DOCK11: variants seen among roughly 807,000 people sequenced by gnomAD.
DOCK11 encodes dedicator of cytokinesis 11.
A neutral mutation model predicts 169.1 loss-of-function variants in DOCK11; 70 were observed. That is an observed-to-expected ratio of 0.41 (90% CI 0.34 to 0.51). DOCK11 has a LOEUF of 0.51. Among genes scored for constraint, DOCK11 ranks in the 20% least tolerant of loss-of-function variants. The pLI, the probability that DOCK11 is intolerant of heterozygous loss-of-function variation, is 0.10. For missense variants in DOCK11, 1,166 were observed against 1,538.8 expected (o/e 0.76, Z 4.05); for synonymous variants, 529 against 541.3 (o/e 0.98, Z 0.32).
chrX:118,561,549 C>CTTTATCAA, intron 7 of DOCK11, 32 bp downstream of exon 7: 1 of 1,150,711 alleles, frequency 8.7e-7, no homozygotes, highest in South Asian at 2.1e-5. Flanking sequence ...TTCTCTTTTT[C>CTTTATCAA]TAACAGGGTT....
At position 118,626,127 on chromosome X, in the gene DOCK11, A is replaced by G. The variant is rs1483588937; in HGVS notation, c.3589-1377A>G. 2.9e-5 allele frequency among the ~76,000 whole-genome samples: 3 copies of G among 104,806 alleles called. No individual in the cohort carries two copies. In the Admixed American group the frequency reaches 3.1e-4, roughly 11 times the overall value. 91.0% of individuals were successfully genotyped at this position (104,806 alleles called of 115,157 possible). A position where few individuals can be genotyped will look rare whatever the true frequency, so the allele number is the denominator to read the frequency against. Reference sequence around the variant, plus strand: ...GTCACCCAGGCTAAAGTGCAGTGGCATGATCTCAGCTCACTGCAATCTCTG... The same window carrying G: ...GTCACCCAGGCTAAAGTGCAGTGGCGTGATCTCAGCTCACTGCAATCTCTG... On this transcript the variant is annotated intron_variant, in intron 32 of 52. Coordinates refer to ENST00000276202, the MANE Select transcript of DOCK11 (RefSeq NM_144658.4).
chrX:118,607,962 T>C (rs1344734114), intron 24 of DOCK11, 110 bp from the exon 25 acceptor site: 19 of 592,435 alleles, frequency 3.2e-5, no homozygotes, highest in Non-Finnish European at 4.8e-5. Flanking sequence ...TCACTTTTAA[T>C]TATTCAGGCA....
At chrX:118,675,269 A>G (rs2016582231) in intron 46 of DOCK11, among the ~76,000 whole-genome samples, 1 of 112,119 alleles carries the variant, frequency 8.9e-6, no homozygotes, top group Non-Finnish European at 1.9e-5. Flanking sequence ...TTATATTTGC[A>G]TTTTATTTTC....
rs2015170260 is a variant in DOCK11, at chrX:118,628,824, A to G, written c.3774+552A>G. 3.5e-5 allele frequency among the ~76,000 whole-genome samples: 4 copies of G among 112,798 alleles called. No individual in the cohort carries two copies. In the Admixed American group the frequency reaches 3.7e-4, roughly 11 times the overall value. Reference sequence around the variant, plus strand: ...CATTTTAGACGAGTAAAGTTTTGCCATGTTGTTATGTAAAATCATTGAATC... The same window carrying G: ...CATTTTAGACGAGTAAAGTTTTGCCGTGTTGTTATGTAAAATCATTGAATC... On this transcript the variant is annotated intron_variant, in intron 34 of 52. Transcript: ENST00000276202.
intron 45 of DOCK11, among the ~76,000 whole-genome samples, chrX:118,665,702 A>G (rs956836217): frequency 2.7e-5 from 3 of 112,201 alleles, no homozygotes; most frequent in Non-Finnish European, 5.6e-5. Flanking sequence ...TTCAGTTTGC[A>G]TAATAAGGCT....
Position 118,628,234 on chromosome X carries a change from G to A in DOCK11, c.3736G>A (p.Ala1246Thr), listed in dbSNP as rs147119233. ...AAGAGGTTCCCTCATCCCAGAAGGA[G>A]CAACAGGATTTCCAGATCAGGGCAA... The part of the protein sequence containing the change: ...DSRGSLIPEG[A>T]TGFPDQGNTG... The change falls in exon 34 of 53, where the codon GCA (alanine) becomes ACA (threonine). Residue 1246 changes from alanine (A) to threonine (T), a missense_variant. Transcript: ENST00000276202. 574 of 1,204,984 alleles carry A rather than the reference G, an allele frequency of 4.8e-4. 4 individuals are homozygous for A. The highest frequency in any genetic ancestry group is 8.8e-5 in the African/African-American group (5 of 57,122).
intron 1 of DOCK11, among the ~76,000 whole-genome samples, chrX:118,523,079 A>G (rs1236869753): frequency 4.4e-5 from 5 of 112,708 alleles, no homozygotes; most frequent in Non-Finnish European, 7.5e-5. Context: ...TGCATTTCGC[A>G]TAGTACCTGG....
intron 1 of DOCK11, among the ~76,000 whole-genome samples, chrX:118,499,391 C>T (rs1183869868): frequency 9.0e-6 from 1 of 111,224 alleles, no homozygotes; most frequent in East Asian, 2.8e-4. Context: ...GGGGTTGTAG[C>T]CCCTGGACGC....
intron 30 of DOCK11, chrX:118,616,257 T>C (rs2014810433): frequency 1.1e-6 from 1 of 950,561 alleles, no homozygotes; most frequent in Non-Finnish European, 1.4e-6. Flanking sequence ...TTAACTCGGT[T>C]CACTCTAAAT....
At chrX:118,660,613 C>T (rs775342105) in intron 44 of DOCK11, among the ~76,000 whole-genome samples, 7 of 109,213 alleles carry the variant, frequency 6.4e-5, no homozygotes, top group Admixed American at 3.9e-4. Flanking sequence ...TACAGGCACC[C>T]GCCACCACGC....
intron 46 of DOCK11, among the ~76,000 whole-genome samples, chrX:118,674,890 A>T (rs1292085080): frequency 9.0e-6 from 1 of 111,689 alleles, no homozygotes; most frequent in Non-Finnish European, 1.9e-5. Flanking sequence ...GTGAAGTGGC[A>T]CCTCATTGTC....
intron 5 of DOCK11, 25 bp downstream of exon 5, chrX:118,545,417 G>GT: frequency 9.1e-7 from 1 of 1,093,786 alleles, no homozygotes; most frequent in Non-Finnish European, 1.2e-6. Context: ...AACAGTTGGG[G>GT]TAACTGTGCT....
chrX:118,505,269 C>T (rs930415431), intron 1 of DOCK11, among the ~76,000 whole-genome samples: 4 of 112,017 alleles, frequency 3.6e-5, no homozygotes, highest in South Asian at 3.7e-4. Context: ...TCAAATGATC[C>T]GCCTGCCTCG....
chrX:118,573,470 G>T (rs962026596), intron 11 of DOCK11, among the ~76,000 whole-genome samples: 5 of 112,575 alleles, frequency 4.4e-5, no homozygotes, highest in African/African-American at 1.6e-4. Context: ...TATTTTTTAG[G>T]TAGTTTCAGT....
At chrX:118,684,271 CT>C (rs1197326228) in intron 52 of DOCK11, among the ~76,000 whole-genome samples, 217 of 78,562 alleles carry the variant, frequency 2.8e-3, no homozygotes, top group African/African-American at 9.2e-3. Flanking sequence ...TTTTTTTTTT[CT>C]TTTTTTTTTT....
intron 36 of DOCK11, 138 bp downstream of exon 36, chrX:118,636,550 AC>A: frequency 3.5e-6 from 1 of 286,812 alleles, no homozygotes; most frequent in Non-Finnish European, 6.2e-6. Flanking sequence ...ATAGAGCCTG[AC>A]ATAGAGGTTC....
chrX:118,676,454 T>C (rs1196225034), intron 47 of DOCK11, 137 bp from the exon 48 acceptor site: 6 of 369,714 alleles, frequency 1.6e-5, no homozygotes, highest in East Asian at 9.1e-5. Context: ...AAAGGGTAAA[T>C]ACAAGCATGG....
intron 20 of DOCK11, among the ~76,000 whole-genome samples, chrX:118,595,823 G>C (rs765160293): frequency 1.2e-3 from 139 of 111,452 alleles, no homozygotes; most frequent in Non-Finnish European, 1.3e-3. Context: ...GCTTGGTCGT[G>C]CTCTGATTCA....
intron 37 of DOCK11, 72 bp from the exon 38 acceptor site, chrX:118,639,363 T>C: frequency 2.7e-6 from 3 of 1,094,391 alleles, no homozygotes; most frequent in Non-Finnish European, 3.7e-6. Flanking sequence ...TAATTTTTTT[T>C]AGTTAAAAAG....
Sources: allele counts gnomAD v4.1 joint callset (sites outside exome capture counted in the v4.1 genomes callset), GRCh38; gene constraint gnomAD v4.1.1; transcripts MANE v1.5; gene names NCBI Gene and HGNC (gene_info 2026-07-23, HGNC 2026-07-21).